RBFOX3: variants seen among roughly 807,000 people sequenced by gnomAD.
RBFOX3 encodes RNA binding fox-1 homolog 3.
RBFOX3 carries 17 observed loss-of-function variants against 48.7 expected under a neutral mutation model. The observed-to-expected ratio is 0.35, with a 90% CI of 0.24 to 0.52. The LOEUF is 0.52. Ranked by LOEUF, RBFOX3 falls within the 20% of genes least tolerant of loss-of-function variation. RBFOX3 has a pLI of 0.94. For synonymous variants in RBFOX3, 212 were observed against 209.5 expected (o/e 1.01, Z -0.10); for missense variants, 382 against 497.5 (o/e 0.77, Z 2.21).
chr17:79,156,297 T>C (rs1258366597), intron 4 of RBFOX3, among the ~76,000 whole-genome samples: 2 of 152,134 alleles, frequency 1.3e-5, no homozygotes, highest in Admixed American at 1.3e-4. Flanking sequence ...ACCCCAGTCC[T>C]CCATTCTTCA....
At chr17:79,341,364 T>C (rs945671266) in intron 2 of RBFOX3, among the ~76,000 whole-genome samples, 1 of 152,230 alleles carries the variant, frequency 6.6e-6, no homozygotes, top group African/African-American at 2.4e-5. Context: ...TTTTGCAGCC[T>C]CCTTTTTTAC....
At chr17:79,356,071 G>A (rs933356497) in intron 2 of RBFOX3, among the ~76,000 whole-genome samples, 5 of 152,170 alleles carry the variant, frequency 3.3e-5, no homozygotes, top group African/African-American at 1.2e-4. Flanking sequence ...CATGAATGTG[G>A]GGATGTGCTT....
At chr17:79,621,801 G>A in the RBFOX3 span, among the ~76,000 whole-genome samples, 319 of 152,286 alleles carry the variant, frequency 2.1e-3, 4 homozygotes, top group Non-Finnish European at 2.2e-3. Flanking sequence ...GTGTACACAG[G>A]CTAACCCAGT....
At chr17:79,305,288 A>G (rs929564383) in intron 3 of RBFOX3, among the ~76,000 whole-genome samples, 2 of 152,110 alleles carry the variant, frequency 1.3e-5, no homozygotes, top group Non-Finnish European at 2.9e-5. Flanking sequence ...CTGCCGTCAT[A>G]GCTATTACTG....
intron 2 of RBFOX3, among the ~76,000 whole-genome samples, chr17:79,318,137 C>T (rs975286755): frequency 6.6e-6 from 1 of 152,064 alleles, no homozygotes; most frequent in Admixed American, 6.6e-5. Flanking sequence ...AGGTGTCAGC[C>T]GGAGCCCTTG....
rs2086536213 is a variant in RBFOX3, at chr17:79,362,381, C to A, written c.-174-54557G>T. On this transcript the variant is annotated intron_variant, in intron 2 of 14. Coordinates refer to ENST00000693108, the MANE Select transcript of RBFOX3 (RefSeq NM_001350451.2). The surrounding 1 kb of genome is among the most constrained non-coding windows in gnomAD (Gnocchi z 4.2). ...CGGTGGGAGAGGCTGAGTGCAGCGT[C>A]TTTCAGAGCCAAACAGAGCCCCAGC... 6.6e-6 allele frequency among the ~76,000 whole-genome samples: 1 copy of A among 151,920 alleles called. No homozygotes were observed. The highest frequency in any genetic ancestry group is 2.4e-5 in the African/African-American group (1 of 41,358).
chr17:79,597,066 A>G (rs1237914440), intron 1 of RBFOX3, among the ~76,000 whole-genome samples: 2 of 152,138 alleles, frequency 1.3e-5, no homozygotes, highest in African/African-American at 4.8e-5. Context: ...TGCTGGCCAC[A>G]CGTAAGAAAG....
rs1419439509 is a variant in RBFOX3, at chr17:79,477,380, C to A, written c.-175+5074G>T. 1.3e-5 allele frequency among the ~76,000 whole-genome samples: 2 copies of A among 150,956 alleles called. No homozygotes were observed. Among genetic ancestry groups the A allele is most frequent in the Non-Finnish European group, 3.0e-5 (2 of 67,702 alleles). On this transcript the variant is annotated intron_variant, in intron 2 of 14. Transcript: ENST00000693108. The surrounding 1 kb of genome is among the most constrained non-coding windows in gnomAD (Gnocchi z 4.8). The stretch of plus-strand genomic sequence containing the variant: ...GATCATCCTGGCTAACACGGTGAAA[C>A]CCCGTCTCTACTAAAAATACAAAAC...
chr17:79,512,045 C>T (rs2084360529), intron 1 of RBFOX3, among the ~76,000 whole-genome samples: 1 of 132,436 alleles, frequency 7.6e-6, no homozygotes, highest in Admixed American at 7.4e-5. Context: ...CCATCGAGTA[C>T]AGTCCTATAG....
At chr17:79,216,075 G>C (rs925578954) in intron 4 of RBFOX3, among the ~76,000 whole-genome samples, 3 of 152,260 alleles carry the variant, frequency 2.0e-5, no homozygotes, top group Non-Finnish European at 2.9e-5. Context: ...CCCAGCGGGG[G>C]TCAAGATGTA....
At chr17:79,466,243 C>T (rs2076296546) in intron 2 of RBFOX3, among the ~76,000 whole-genome samples, 1 of 152,196 alleles carries the variant, frequency 6.6e-6, no homozygotes. Flanking sequence ...TGTGAGGCCC[C>T]GCACCCTCTC....
At chr17:79,616,582 A>ACACAC in the RBFOX3 span, among the ~76,000 whole-genome samples, 10 of 145,650 alleles carry the variant, frequency 6.9e-5, no homozygotes, top group Non-Finnish European at 6.0e-5. Flanking sequence ...TCTCTATACA[A>ACACAC]ACACACACAC....
At chr17:79,232,325 T>C (rs750517030) in intron 4 of RBFOX3, among the ~76,000 whole-genome samples, 4 of 152,092 alleles carry the variant, frequency 2.6e-5, no homozygotes, top group Non-Finnish European at 5.9e-5. Context: ...AGAGCCAATA[T>C]AACTTTGAAA....
At chr17:79,469,491 T>C (rs1250064072) in intron 2 of RBFOX3, among the ~76,000 whole-genome samples, 21 of 152,320 alleles carry the variant, frequency 1.4e-4, no homozygotes, top group African/African-American at 4.8e-4. Context: ...GCCCTGTGCC[T>C]ACATTCCCTG....
At chr17:79,215,415 T>C (rs1263991636) in intron 4 of RBFOX3, among the ~76,000 whole-genome samples, 2 of 152,242 alleles carry the variant, frequency 1.3e-5, no homozygotes, top group African/African-American at 2.4e-5. Flanking sequence ...GCCCCTGCTC[T>C]GCCATGCCAA....
chr17:79,384,432 G>A (rs1305089974), intron 2 of RBFOX3, among the ~76,000 whole-genome samples: 2 of 152,132 alleles, frequency 1.3e-5, no homozygotes, highest in Non-Finnish European at 2.9e-5. Flanking sequence ...ACATTTCCTG[G>A]CCCAAGAGTG....
At chr17:79,519,864 A>G (rs2085805111) in intron 1 of RBFOX3, among the ~76,000 whole-genome samples, 2 of 152,138 alleles carry the variant, frequency 1.3e-5, no homozygotes, top group Admixed American at 1.3e-4. Flanking sequence ...CTGCTGCGAG[A>G]GGACCAGCAG....
At chr17:79,096,588 C>T (rs746162486) in intron 12 of RBFOX3, 65 bp downstream of exon 12, 26 of 1,404,044 alleles carry the variant, frequency 1.9e-5, no homozygotes, top group East Asian at 1.2e-4. Flanking sequence ...GAGGAGACGC[C>T]GACTTCTCAT....
At chr17:79,626,132 G>A in the RBFOX3 span, among the ~76,000 whole-genome samples, 109 of 152,260 alleles carry the variant, frequency 7.2e-4, no homozygotes, top group African/African-American at 2.5e-3. Flanking sequence ...GACAGTGGGA[G>A]AACACAGGAA....
Sources: gnomAD v4.1 joint callset for allele counts (sites outside exome capture counted in the v4.1 genomes callset) on GRCh38, gnomAD v4.1.1 for gene constraint, Gnocchi (gnomAD v3.1) non-coding constraint, MANE v1.5 for transcripts, NCBI Gene and HGNC (gene_info 2026-07-23, HGNC 2026-07-21) for gene names.